The following PDZD7 variants were observed in gnomAD, a reference collection of about 807,000 sequenced individuals.
The protein encoded by PDZD7 is PDZ domain containing 7.
Under a neutral mutation model 84.7 loss-of-function variants are expected in PDZD7, and 72 were observed. The observed-to-expected ratio is 0.85, with a 90% CI of 0.70 to 1.03. The LOEUF (loss-of-function observed/expected upper bound fraction) is 1.03, where lower values mean the gene tolerates loss of function less well. Among genes scored for constraint, PDZD7 ranks in the 50% least tolerant of loss-of-function variants. The pLI is 0.00. For missense variants in PDZD7, 1,490 were observed against 1,412.9 expected (o/e 1.05, Z -0.87); for synonymous variants, 594 against 580.7 (o/e 1.02, Z -0.33).
At chr10:101,020,854 C>T (rs192796369) in intron 6 of PDZD7, among the ~76,000 whole-genome samples, 176 bp from the exon 7 acceptor site, 141 of 152,332 alleles carry the variant, frequency 9.3e-4, no homozygotes, top group South Asian at 1.9e-3. Flanking sequence ...TTCCTTTTTG[C>T]ACTTGCTGTT....
intron 7 of PDZD7, 103 bp from the exon 8 acceptor site, chr10:101,019,320 A>G (rs1412934194): frequency 9.0e-6 from 13 of 1,447,710 alleles, no homozygotes; most frequent in Non-Finnish European, 1.1e-5. Flanking sequence ...AAGGTCAGGC[A>G]GCAGCCAGGG....
In PDZD7 at chr10:101,018,197, C is replaced by T. The variant is rs578119372; in HGVS notation, c.1424G>A (p.Gly475Glu). 1.2e-6 allele frequency: 2 copies of T among 1,614,232 alleles called. No homozygotes were observed. The highest frequency in any genetic ancestry group is 3.3e-5 in the Admixed American group (2 of 60,034). Reference sequence around the variant, plus strand: ...GTCCCGCGCTAGCCTCCCCTGCCGCCCTCCCTTGAAGAAGAGGTTCATCAG... The same window carrying T: ...GTCCCGCGCTAGCCTCCCCTGCCGCTCTCCCTTGAAGAAGAGGTTCATCAG... ...KTLMNLFFKG[G>E]RQGRLARDGR... Residue 475 changes from glycine to glutamate, a missense_variant, in exon 9 of 17, where the codon GGG (glycine) becomes GAG (glutamate). Gly to Glu is a moderately conservative substitution (Grantham distance 98, BLOSUM62 -2). Coordinates refer to ENST00000619208, the MANE Select transcript of PDZD7 (RefSeq NM_001195263.2).
intron 12 of PDZD7, 34 bp from the exon 13 acceptor site, chr10:101,012,050 G>C: frequency 6.5e-7 from 1 of 1,543,234 alleles, no homozygotes; most frequent in Non-Finnish European, 8.8e-7. Context: ...GGGGTGGGAG[G>C]GGCAGGCAGG....
At position 101,018,270 on chromosome 10, in the gene PDZD7, T is replaced by G. The variant is rs781593806; in HGVS notation, c.1351A>C (p.Lys451Gln). ...WEEKQQRKKE[K>Q]SGSPGEKGAL... ...CCCTTCTCCCCAGGGGACCCCGACT[T>G]CTCCTTCTTCCGCTGCTGCTTCTCC... is the stretch of plus-strand genomic sequence containing the variant. The change falls in exon 9 of 17, where the codon AAG (lysine) becomes CAG (glutamine). Residue 451 changes from lysine (K) to glutamine (Q), a missense_variant. By Grantham distance (53) the Lys-to-Gln change is moderately conservative. Coordinates refer to ENST00000619208, the MANE Select transcript of PDZD7 (RefSeq NM_001195263.2). 2 of 1,613,768 alleles carry G rather than the reference T, an allele frequency of 1.2e-6. No individual in the cohort carries two copies. Among genetic ancestry groups the G allele is most frequent in the South Asian group, 2.2e-5 (2 of 91,052 alleles).
intron 14 of PDZD7, 30 bp downstream of exon 14, chr10:101,011,660 C>G (rs1852396446): frequency 6.5e-7 from 1 of 1,536,466 alleles, no homozygotes; most frequent in Non-Finnish European, 8.7e-7. Context: ...AGGGCTGTGC[C>G]CCTCCCTGGG....
intron 16 of PDZD7, 40 bp downstream of exon 16, chr10:101,009,210 C>G: frequency 6.7e-7 from 1 of 1,487,172 alleles, no homozygotes; most frequent in Non-Finnish European, 9.1e-7. Context: ...CTGGTTTCAG[C>G]TGTGCTCTGA....
Position 101,011,710 on chromosome 10 carries a change from TGAC to T in PDZD7, c.1982_1984del (p.Arg661del). The T allele has an allele frequency of 8.4e-6, 13 of 1,541,072 alleles. No individual in the cohort carries two copies. The highest frequency in any genetic ancestry group is 1.1e-5 in the Non-Finnish European group (13 of 1,146,806). ...CTGACCAGGCACGGGGGTGATAAGG[TGAC>T]GCTTGGGTGGCGTGTCCTGCCGGGC... On this transcript the variant is annotated inframe_deletion, in exon 14 of 17. Transcript: ENST00000619208.
intron 12 of PDZD7, 55 bp from the exon 13 acceptor site, chr10:101,012,071 C>T (rs1281936710): frequency 2.6e-6 from 4 of 1,541,004 alleles, no homozygotes; most frequent in African/African-American, 1.4e-5. Flanking sequence ...ATTTCAGTTC[C>T]GGAGGTGCCA....
intron 9 of PDZD7, chr10:101,017,858 A>AGGAAG (rs375318932): frequency 4.7e-6 from 1 of 212,896 alleles, no homozygotes; most frequent in African/African-American, 5.0e-5. Flanking sequence ...AAAGAAAGAA[A>AGGAAG]GAAAGAAAGA....
chr10:101,023,023 C>T (rs1248439728), intron 4 of PDZD7: 4 of 233,016 alleles, frequency 1.7e-5, no homozygotes, highest in Non-Finnish European at 3.4e-5. Flanking sequence ...CCACCTGCCT[C>T]AGCCTCCCAA....
Position 101,015,681 on chromosome 10 carries a change from C to A in PDZD7, c.1704G>T (p.Leu568=). 3 of 1,550,450 alleles carry A rather than the reference C, an allele frequency of 1.9e-6. No homozygotes were observed. The highest frequency in any genetic ancestry group is 2.4e-5 in the East Asian group (1 of 40,918). ...RPLIQDLAQR[L]LTDDEVLAVT... ...CAGCCAGCACCTCGTCATCAGTCAGCAGCCTCTGGGCCAGGTCCTGAATGA... is the reference window on the plus strand; with the variant it reads ...CAGCCAGCACCTCGTCATCAGTCAGAAGCCTCTGGGCCAGGTCCTGAATGA... The change falls in exon 11 of 17, where the codon CTG becomes CTT. Residue 568 remains leucine, a synonymous_variant. Coordinates refer to ENST00000619208, the MANE Select transcript of PDZD7 (RefSeq NM_001195263.2).
In PDZD7 at chr10:101,008,751, G is replaced by A. The variant is rs776218888; in HGVS notation, c.2818C>T (p.Arg940Trp). The change falls in exon 17 of 17, where the codon CGG becomes TGG. Residue 940 changes from arginine (R) to tryptophan (W), a missense_variant. Transcript: ENST00000619208. ...TIRRAYRNKA[R>W]EPMELVVRVP... is the part of the protein sequence containing the mutation. The stretch of plus-strand genomic sequence containing the variant: ...CTGACCACAAGCTCCATGGGCTCCC[G>A]GGCCTTGTTTCGATAAGCCCGACGG... The A allele has an allele frequency of 1.6e-5, 24 of 1,535,706 alleles. No homozygotes were observed. Among genetic ancestry groups the A allele is most frequent in the Middle Eastern group, 1.7e-4 (1 of 6,008 alleles).
intron 2 of PDZD7, among the ~76,000 whole-genome samples, chr10:101,029,784 GA>G (rs1450602039): frequency 3.9e-5 from 6 of 152,134 alleles, no homozygotes; most frequent in African/African-American, 1.4e-4. Context: ...ACCCTTCTAC[GA>G]CCCTGGACCC....
chr10:101,026,693 A>G (rs1937725869), intron 2 of PDZD7, among the ~76,000 whole-genome samples: 1 of 151,310 alleles, frequency 6.6e-6, no homozygotes, highest in Admixed American at 6.6e-5. Flanking sequence ...ACACACACAC[A>G]CACACACACA....
chr10:101,008,165 A>C lies in PDZD7; in HGVS notation c.*302T>G, dbSNP rs544286421. 2.2e-6 allele frequency: 1 copy of C among 444,812 alleles called. No individual in the cohort carries two copies. Among genetic ancestry groups the C allele is most frequent in the Admixed American group, 3.7e-5 (1 of 26,804 alleles). 27.6% of individuals were successfully genotyped at this position (444,812 alleles called of 1,614,324 possible). On this transcript the variant is annotated 3_prime_UTR_variant, in exon 17 of 17. Transcript: ENST00000619208. ...ACTCATAAGGGACAGCATGTGAGAA[A>C]GTGCCCACCAATCCCAAGCTCCAGA...
rs1852265616 is a variant in PDZD7, at chr10:101,007,819, T to G, written c.*648A>C. 1 of 284,458 alleles carries G rather than the reference T, an allele frequency of 3.5e-6. No homozygotes were observed. Among genetic ancestry groups the G allele is most frequent in the Non-Finnish European group, 5.3e-6 (1 of 187,792 alleles). The allele number at this position is 284,458 out of a possible 1,614,324, so 17.6% of individuals were successfully genotyped here. ...ACCCAAAGAAAAAATTAAAAAAAAT[T>G]TTTTTGTTTAAAAATAATGTGAATG... On this transcript the variant is annotated 3_prime_UTR_variant, in exon 17 of 17. Coordinates refer to ENST00000619208, the MANE Select transcript of PDZD7 (RefSeq NM_001195263.2).
At chr10:101,022,082 C>T (rs1414964897) in intron 5 of PDZD7, 127 bp downstream of exon 5, 1 of 1,557,334 alleles carries the variant, frequency 6.4e-7, no homozygotes, top group African/African-American at 1.4e-5. Context: ...CGCCCCCTCC[C>T]AGGCCCTCAC....
At chr10:101,015,929 G>A (rs1201561036) in intron 10 of PDZD7, 118 bp from the exon 11 acceptor site, 1 of 1,150,718 alleles carries the variant, frequency 8.7e-7, no homozygotes, top group East Asian at 2.6e-5. Flanking sequence ...TAGCCTATAT[G>A]CTCCCCACCA....
At chr10:101,030,570 A>G (rs1224138305) in intron 1 of PDZD7, 186 bp from the exon 2 acceptor site, 2 of 454,908 alleles carry the variant, frequency 4.4e-6, no homozygotes, top group Non-Finnish European at 8.2e-6. Context: ...GACTTTATAC[A>G]AGGCAGGTGG....
Sources: allele counts gnomAD v4.1 joint callset (sites outside exome capture counted in the v4.1 genomes callset), GRCh38; gene constraint gnomAD v4.1.1; transcripts MANE v1.5; gene names NCBI Gene and HGNC (gene_info 2026-07-23, HGNC 2026-07-21).